TRERF1: variants seen among roughly 807,000 people sequenced by gnomAD.
TRERF1 encodes the protein transcriptional-regulating factor 1.
TRERF1 carries 27 observed loss-of-function variants against 122.9 expected under a neutral mutation model. That is an observed-to-expected ratio of 0.22 (90% CI 0.16 to 0.30). The LOEUF (loss-of-function observed/expected upper bound fraction) is 0.30. TRERF1 is among the 10% of genes least tolerant of loss of function. TRERF1 has a pLI of 1.00. For synonymous variants in TRERF1, 636 were observed against 641.7 expected (o/e 0.99, Z 0.13); for missense variants, 1,248 against 1,560.3 (o/e 0.80, Z 3.37).
At chr6:42,357,454 G>A (rs1770811575) in intron 3 of TRERF1, among the ~76,000 whole-genome samples, 1 of 152,076 alleles carries the variant, frequency 6.6e-6, no homozygotes, top group African/African-American at 2.4e-5. Context: ...GCCTAAGAAT[G>A]CGGTTAACAG....
intron 2 of TRERF1, among the ~76,000 whole-genome samples, chr6:42,366,000 G>A (rs959172173): frequency 3.9e-5 from 6 of 152,074 alleles, no homozygotes; most frequent in Admixed American, 1.3e-4. Flanking sequence ...TTTCCCATGC[G>A]TACCTCTGCT....
intron 4 of TRERF1, among the ~76,000 whole-genome samples, chr6:42,281,922 A>G (rs1321248990): frequency 6.6e-6 from 1 of 151,976 alleles, no homozygotes; most frequent in Non-Finnish European, 1.5e-5. Context: ...TACCTTACCA[A>G]CCTCCCAATG....
intron 3 of TRERF1, among the ~76,000 whole-genome samples, chr6:42,331,784 C>T (rs1056852362): frequency 2.3e-4 from 35 of 152,270 alleles, no homozygotes; most frequent in African/African-American, 7.9e-4. Flanking sequence ...GGCCTAGCAG[C>T]GCTGCCAGGG....
At chr6:42,272,310 G>A (rs575206929) in intron 4 of TRERF1, among the ~76,000 whole-genome samples, 2 of 152,288 alleles carry the variant, frequency 1.3e-5, no homozygotes, top group Admixed American at 6.5e-5. Flanking sequence ...CTTCAGATGA[G>A]GGGTTGCATT....
chr6:42,396,674 C>T (rs1375002948), intron 2 of TRERF1, among the ~76,000 whole-genome samples: 1 of 152,084 alleles, frequency 6.6e-6, no homozygotes, highest in African/African-American at 2.4e-5. Flanking sequence ...TCAACCTCTT[C>T]GAGATTTCTT....
At chr6:42,338,030 G>A (rs1034779091) in intron 3 of TRERF1, among the ~76,000 whole-genome samples, 3 of 152,160 alleles carry the variant, frequency 2.0e-5, no homozygotes, top group Non-Finnish European at 4.4e-5. Flanking sequence ...ATTTTAACAA[G>A]AGCCCCCAGG....
chr6:42,254,882 T>C, exon 13 of TRERF1: 1 of 1,614,162 alleles, frequency 6.2e-7, no homozygotes, highest in Non-Finnish European at 8.5e-7. Context: ...AAGGATGACA[T>C]TTTAACCTGA....
At position 42,314,046 on chromosome 6, in the gene TRERF1, G is replaced by A. The variant is rs116474829; in HGVS notation, c.-370-13297C>T. Among the ~76,000 whole-genome samples the A allele has an allele frequency of 5.1e-3, 772 of 152,132 alleles. 6 individuals carry two copies. Among genetic ancestry groups the A allele is most frequent in the African/African-American group, 0.015 (641 of 41,494 alleles). ...AACAGCTGGAGGTGCGGCCCTAAAG[G>A]GTTTTTTTTTTGTGCTTATCAGGCA... On this transcript the variant is annotated intron_variant, in intron 3 of 17. Coordinates refer to ENST00000372922, the Ensembl canonical transcript of TRERF1.
chr6:42,310,710 T>C (rs570588062), intron 3 of TRERF1, among the ~76,000 whole-genome samples: 148 of 152,270 alleles, frequency 9.7e-4, no homozygotes, highest in African/African-American at 3.5e-3. Context: ...GCAGAACTGG[T>C]AGCAGGAGGC....
intron 2 of TRERF1, among the ~76,000 whole-genome samples, chr6:42,427,863 A>G (rs962340289): frequency 6.6e-6 from 1 of 152,108 alleles, no homozygotes. Context: ...TCTTTTTAAT[A>G]TATATAAAAA....
intron 3 of TRERF1, among the ~76,000 whole-genome samples, chr6:42,349,456 G>A (rs543773125): frequency 6.6e-6 from 1 of 152,102 alleles, no homozygotes; most frequent in East Asian, 1.9e-4. Context: ...GATAGGGAAT[G>A]AATGAAAATA....
intron 8 of TRERF1, among the ~76,000 whole-genome samples, chr6:42,262,612 A>AGAGAACGAAAGAGACAGACAG (rs1169414320): frequency 8.6e-6 from 1 of 116,220 alleles, no homozygotes; most frequent in Non-Finnish European, 1.8e-5. Context: ...AGACAGACGG[A>AGAGAACGAAAGAGACAGACAG]AACCCTTCCC....
chr6:42,268,249 G>A lies in TRERF1; in HGVS notation c.1342C>T (p.Leu448Phe). The change falls in exon 5 of 18, where the codon CTC becomes TTC. Residue 448 changes from leucine (L) to phenylalanine (F), a missense_variant. Physicochemically the swap from Leu to Phe is conservative, Grantham distance 22 (BLOSUM62 0). This residue lies in a region of TRERF1 where 946 missense variants were observed against 1,073.0 expected (regional missense o/e 0.88). Transcript: ENST00000372922. The surrounding 1 kb of genome is among the most constrained non-coding windows in gnomAD (Gnocchi z 4.4). ...GGGGATAGGAGGGGGCGATGGGGGAGGGTGCTGCTGACCCGGGTCAGATCT... is the reference window on the plus strand; with the variant it reads ...GGGGATAGGAGGGGGCGATGGGGGAAGGTGCTGCTGACCCGGGTCAGATCT... The A allele has an allele frequency of 1.3e-6, 2 of 1,498,938 alleles. No homozygotes were observed. The highest frequency in any genetic ancestry group is 1.8e-6 in the Non-Finnish European group (2 of 1,124,716). 92.9% of individuals were successfully genotyped at this position (1,498,938 alleles called of 1,614,324 possible). A position where few individuals can be genotyped will look rare whatever the true frequency, so the allele number is the denominator to read the frequency against.
At chr6:42,281,367 C>T (rs992024731) in intron 4 of TRERF1, among the ~76,000 whole-genome samples, 5 of 152,144 alleles carry the variant, frequency 3.3e-5, no homozygotes, top group Non-Finnish European at 4.4e-5. Context: ...AACATTACCC[C>T]ACCAAGCTCA....
intron 3 of TRERF1, among the ~76,000 whole-genome samples, chr6:42,314,933 C>T (rs980661732): frequency 3.3e-5 from 5 of 152,164 alleles, no homozygotes. Flanking sequence ...AGGTTGGTCG[C>T]ATAGGGTGCT....
At chr6:42,436,847 A>G (rs112987514) in intron 2 of TRERF1, among the ~76,000 whole-genome samples, 10 of 132,016 alleles carry the variant, frequency 7.6e-5, no homozygotes, top group South Asian at 2.3e-4. Flanking sequence ...ATATATATAT[A>G]TGAACTACTT....
At position 42,322,988 on chromosome 6, in the gene TRERF1, T is replaced by A. The variant is rs1289972649; in HGVS notation, c.-370-22239A>T. On this transcript the variant is annotated intron_variant, in intron 3 of 17. Transcript: ENST00000372922. ...GGCAGAGAATGGCACTGGGAGGGGG[T>A]GGGGGGCAAGCAGAGGATAACTAGC... Among the ~76,000 whole-genome samples the A allele has an allele frequency of 2.7e-5, 4 of 148,846 alleles. No individual in the cohort carries two copies. In the Admixed American group the frequency reaches 2.7e-4, roughly 10 times the overall value.
chr6:42,429,458 CCT>C (rs1784151494), intron 2 of TRERF1, among the ~76,000 whole-genome samples: 1 of 152,190 alleles, frequency 6.6e-6, no homozygotes, highest in African/African-American at 2.4e-5. Context: ...GCTACCGCCT[CCT>C]CTCACTTTCT....
chr6:42,248,612 A>G (rs1323659893), intron 13 of TRERF1, among the ~76,000 whole-genome samples: 3 of 152,130 alleles, frequency 2.0e-5, no homozygotes, highest in Admixed American at 1.3e-4. Flanking sequence ...TCAGCTTCCC[A>G]AAGTGCTGGG....
Sources: gnomAD v4.1 joint callset for allele counts (sites outside exome capture counted in the v4.1 genomes callset) on GRCh38, gnomAD v4.1.1 for gene constraint, gnomAD v4.1.1 regional missense constraint, Gnocchi (gnomAD v3.1) non-coding constraint, MANE v1.5 for transcripts, NCBI Gene and HGNC (gene_info 2026-07-23, HGNC 2026-07-21) for gene names.